ZNF609: variants seen among roughly 807,000 people sequenced by gnomAD.
The protein encoded by ZNF609 is zinc finger protein 609.
In ZNF609, 11 loss-of-function variants were observed where a neutral mutation model predicts 109.5. The observed-to-expected ratio is 0.10, with a 90% CI of 0.06 to 0.17. The LOEUF is 0.17. Among genes scored for constraint, ZNF609 ranks in the 10% least tolerant of loss-of-function variants. The pLI, the probability that ZNF609 is intolerant of heterozygous loss-of-function variation, is 1.00. For missense variants in ZNF609, 1,559 were observed against 1,772.4 expected, an observed-to-expected ratio of 0.88 and a Z score of 2.16; for synonymous variants, 646 against 662.0, an observed-to-expected ratio of 0.98 and a Z score of 0.37.
rs1287975678 is a variant in ZNF609, at chr15:64,541,027, C to CAA, written c.747+40880_747+40881dup. ...TGGGCGACAGAGTAAGACTCTGTCTCAAAAAAAAAAAAAAAAAAAACTTTT... is the reference window on the plus strand; with the variant it reads ...TGGGCGACAGAGTAAGACTCTGTCTCAAAAAAAAAAAAAAAAAAAAAACTTTT... On this transcript the variant is annotated intron_variant, in intron 2 of 9. Coordinates refer to ENST00000326648, the MANE Select transcript of ZNF609 (RefSeq NM_015042.2). Among the ~76,000 whole-genome samples the CAA allele has an allele frequency of 1.2e-3, 64 of 53,582 alleles. 1 individual carries two copies. Among genetic ancestry groups the CAA allele is most frequent in the Middle Eastern group, 0.013 (1 of 80 alleles). 35.2% of individuals were successfully genotyped at this position (53,582 alleles called of 152,430 possible). A position where few individuals can be genotyped will look rare whatever the true frequency, so the allele number is the denominator to read the frequency against.
chr15:64,499,268 A>G, intron 1 of ZNF609, 25 bp from the exon 2 acceptor site: 2 of 1,030,772 alleles, frequency 1.9e-6, no homozygotes, highest in Non-Finnish European at 2.7e-6. Flanking sequence ...TTCTTTTAAC[A>G]GCTTTTTAAA....
chr15:64,474,149 C>G (rs1181097478), intron 1 of ZNF609, among the ~76,000 whole-genome samples: 1 of 152,060 alleles, frequency 6.6e-6, no homozygotes, highest in Non-Finnish European at 1.5e-5. Flanking sequence ...CTCAGGTGAT[C>G]CTCCCGCCTC....
chr15:64,578,181 G>A (rs1292528089), intron 2 of ZNF609, among the ~76,000 whole-genome samples: 1 of 150,594 alleles, frequency 6.6e-6, no homozygotes, highest in Non-Finnish European at 1.5e-5. Context: ...GTCTTGCACT[G>A]TCGCCCAGCC....
intron 3 of ZNF609, among the ~76,000 whole-genome samples, chr15:64,661,468 GGTTA>G (rs1449299804): frequency 1.3e-5 from 2 of 152,076 alleles, no homozygotes; most frequent in African/African-American, 4.8e-5. Context: ...ACTTTACCCT[GGTTA>G]GTTAGGGTGT....
chr15:64,485,227 GAAAA>G (rs553131403), intron 1 of ZNF609, among the ~76,000 whole-genome samples: 1 of 148,648 alleles, frequency 6.7e-6, no homozygotes, highest in African/African-American at 2.5e-5. Context: ...TACATGCAAA[GAAAA>G]AAAAAATTCA....
intron 1 of ZNF609, among the ~76,000 whole-genome samples, chr15:64,467,204 G>T (rs1234303226): frequency 6.6e-6 from 1 of 152,128 alleles, no homozygotes; most frequent in Non-Finnish European, 1.5e-5. Flanking sequence ...TCTTTCTTTT[G>T]CAGGTGAGAG....
intron 2 of ZNF609, among the ~76,000 whole-genome samples, chr15:64,607,863 C>T (rs28537756): frequency 4.1e-4 from 3 of 7,396 alleles, no homozygotes; most frequent in Admixed American, 3.9e-3. Context: ...TTCTTTCTTT[C>T]TTTCTTTCTT....
chr15:64,555,886 CAAAAAAAAAAA>C (rs963732035), intron 2 of ZNF609, among the ~76,000 whole-genome samples: 20 of 38,936 alleles, frequency 5.1e-4, no homozygotes, highest in Non-Finnish European at 9.4e-4. Flanking sequence ...GACTCTGTCT[CAAAAAAAAAAA>C]AAAAAAAAAA....
intron 2 of ZNF609, among the ~76,000 whole-genome samples, chr15:64,536,302 A>G (rs1239270066): frequency 6.6e-6 from 1 of 152,164 alleles, no homozygotes; most frequent in East Asian, 1.9e-4. Flanking sequence ...GATTACAGGC[A>G]TGCGCCCCTG....
intron 4 of ZNF609, among the ~76,000 whole-genome samples, chr15:64,670,739 A>AT (rs1356828491): frequency 6.6e-6 from 1 of 151,738 alleles, no homozygotes; most frequent in Non-Finnish European, 1.5e-5. Context: ...TTAGCCAGGC[A>AT]TGGTGGTGCA....
chr15:64,467,263 C>A (rs540221937), intron 1 of ZNF609, among the ~76,000 whole-genome samples: 21 of 152,130 alleles, frequency 1.4e-4, no homozygotes, highest in Non-Finnish European at 2.9e-4. Flanking sequence ...TTATTGTGTT[C>A]TCTGGTCATT....
intron 1 of ZNF609, among the ~76,000 whole-genome samples, chr15:64,488,194 G>T (rs1397632996): frequency 6.6e-6 from 1 of 151,970 alleles, no homozygotes; most frequent in Non-Finnish European, 1.5e-5. Flanking sequence ...CTTTTTTCTG[G>T]AGAAAGGAAT....
At chr15:64,538,075 C>T (rs1380744567) in intron 2 of ZNF609, among the ~76,000 whole-genome samples, 1 of 151,482 alleles carries the variant, frequency 6.6e-6, no homozygotes, top group Non-Finnish European at 1.5e-5. Context: ...CATTGCACTC[C>T]AGCCTGGGCA....
chr15:64,657,853 G>C, intron 3 of ZNF609, among the ~76,000 whole-genome samples: 1 of 152,164 alleles, frequency 6.6e-6, no homozygotes, highest in East Asian at 1.9e-4. Context: ...ATGCCAGAAA[G>C]TCAACTCTAT....
At chr15:64,654,819 G>A (rs1314783479) in intron 3 of ZNF609, among the ~76,000 whole-genome samples, 6 of 152,166 alleles carry the variant, frequency 3.9e-5, no homozygotes, top group Admixed American at 2.0e-4. Flanking sequence ...CAAGTGGGCC[G>A]GGCACGGTGG....
Position 64,674,369 on chromosome 15 carries a change from G to A in ZNF609, c.1515G>A (p.Lys505=), listed in dbSNP as rs1896778391. 2 of 1,613,984 alleles carry A rather than the reference G, an allele frequency of 1.2e-6. No individual in the cohort carries two copies. Among genetic ancestry groups the A allele is most frequent in the Admixed American group, 1.7e-5 (1 of 59,986 alleles). The change falls in exon 5 of 10, where the codon AAG becomes AAA. Residue 505 remains lysine (K), a synonymous_variant. Transcript: ENST00000326648. ...IDCPHPNCNK[K]YKHINGLKYH... is the part of the protein sequence containing the mutation. ...GTCCCCACCCAAACTGCAACAAGAAGTACAAGCACATCAATGGACTTAAGT... is the reference window on the plus strand; with the variant it reads ...GTCCCCACCCAAACTGCAACAAGAAATACAAGCACATCAATGGACTTAAGT...
chr15:64,493,161 T>G (rs1893437675), intron 1 of ZNF609, among the ~76,000 whole-genome samples: 1 of 152,094 alleles, frequency 6.6e-6, no homozygotes, highest in Non-Finnish European at 1.5e-5. Flanking sequence ...CTTTGAAGCC[T>G]TCTTGGATGG....
At position 64,575,824 on chromosome 15, in the gene ZNF609, C is replaced by T. The variant is rs1346458076; in HGVS notation, c.748-47003C>T. Among the ~76,000 whole-genome samples the T allele has an allele frequency of 3.3e-5, 5 of 152,236 alleles. No homozygotes were observed. The East Asian group carries it at 7.7e-4, about 24-fold the overall frequency. On this transcript the variant is annotated intron_variant, in intron 2 of 9. Coordinates refer to ENST00000326648, the MANE Select transcript of ZNF609 (RefSeq NM_015042.2). Reference sequence around the variant, plus strand: ...TAAATAATTACTTGATATACTTGGCCGGGCAAGGTGGCTCACGCCTGTAAT... The same window carrying T: ...TAAATAATTACTTGATATACTTGGCTGGGCAAGGTGGCTCACGCCTGTAAT...
intron 3 of ZNF609, among the ~76,000 whole-genome samples, chr15:64,641,348 G>A (rs1024616848): frequency 1.3e-5 from 2 of 149,364 alleles, no homozygotes; most frequent in Non-Finnish European, 3.0e-5. Flanking sequence ...CTCCCGAGTA[G>A]CTGGGATTAC....
Sources: gnomAD v4.1 joint callset for allele counts (sites outside exome capture counted in the v4.1 genomes callset) on GRCh38, gnomAD v4.1.1 for gene constraint, MANE v1.5 for transcripts, NCBI Gene and HGNC (gene_info 2026-07-23, HGNC 2026-07-21) for gene names.